SNTG1: variants seen among roughly 807,000 people sequenced by gnomAD.
SNTG1 encodes gamma-1-syntrophin.
SNTG1 carries 39 observed loss-of-function variants against 74.7 expected under a neutral mutation model. That is an observed-to-expected ratio of 0.52 (90% CI 0.40 to 0.68). The LOEUF (loss-of-function observed/expected upper bound fraction) is 0.68. Ranked by LOEUF, SNTG1 falls within the 30% of genes least tolerant of loss-of-function variation. The probability of loss-of-function intolerance (pLI) is 0.00; values close to 1 mark genes in which losing one functional copy is unlikely to be tolerated. For missense variants in SNTG1, 685 were observed against 609.5 expected (o/e 1.12, Z -1.30); for synonymous variants, 254 against 217.1 (o/e 1.17, Z -1.49).
At chr8:50,236,666 G>T (rs1430698643) in intron 2 of SNTG1, among the ~76,000 whole-genome samples, 1 of 151,980 alleles carries the variant, frequency 6.6e-6, no homozygotes, top group Non-Finnish European at 1.5e-5. Context: ...TAGCCAGGAT[G>T]GTCTCGATCT....
chr8:50,550,790 G>A (rs545337070), intron 11 of SNTG1, among the ~76,000 whole-genome samples: 1 of 152,050 alleles, frequency 6.6e-6, no homozygotes, highest in East Asian at 1.9e-4. Context: ...AAATTAATGG[G>A]TAATGGAGTC....
intron 1 of SNTG1, among the ~76,000 whole-genome samples, chr8:49,962,332 C>A (rs929110985): frequency 6.6e-6 from 1 of 151,012 alleles, no homozygotes; most frequent in African/African-American, 2.4e-5. Context: ...ATCTAGGGTG[C>A]CTTATAGCCA....
chr8:50,032,699 C>T (rs1401945764), intron 1 of SNTG1, among the ~76,000 whole-genome samples: 1 of 152,146 alleles, frequency 6.6e-6, no homozygotes, highest in Non-Finnish European at 1.5e-5. Flanking sequence ...CGACACTTTT[C>T]AGTTGTACTT....
At chr8:50,316,962 T>G (rs2090340875) in intron 2 of SNTG1, among the ~76,000 whole-genome samples, 1 of 152,132 alleles carries the variant, frequency 6.6e-6, no homozygotes, top group Admixed American at 6.5e-5. Context: ...TGAAGATGAG[T>G]TCAAGATTTC....
intron 1 of SNTG1, among the ~76,000 whole-genome samples, chr8:49,924,882 G>A (rs1806876362): frequency 6.6e-6 from 1 of 151,882 alleles, no homozygotes; most frequent in Non-Finnish European, 1.5e-5. Flanking sequence ...AGGTGTAGTG[G>A]CTAATACCTG....
At chr8:50,272,575 T>A (rs561189054) in intron 2 of SNTG1, among the ~76,000 whole-genome samples, 1 of 152,164 alleles carries the variant, frequency 6.6e-6, no homozygotes, top group Non-Finnish European at 1.5e-5. Flanking sequence ...TATAGATGGT[T>A]CTTGTTCTCT....
intron 2 of SNTG1, among the ~76,000 whole-genome samples, chr8:50,245,026 A>C (rs2129752588): frequency 6.6e-6 from 1 of 152,280 alleles, no homozygotes; most frequent in East Asian, 1.9e-4. Flanking sequence ...CTTGCAACAA[A>C]AGTTTTATTA....
At chr8:49,942,654 T>C (rs1808802652) in intron 1 of SNTG1, among the ~76,000 whole-genome samples, 1 of 152,230 alleles carries the variant, frequency 6.6e-6, no homozygotes, top group African/African-American at 2.4e-5. Context: ...CTTGAGAGTT[T>C]TGAGGCATAA....
At position 50,776,501 on chromosome 8, in the gene SNTG1, T is replaced by C. The variant is rs946547805; in HGVS notation, c.1396-16170T>C. On this transcript the variant is annotated intron_variant, in intron 18 of 18. Coordinates refer to ENST00000642720, the MANE Select transcript of SNTG1 (RefSeq NM_018967.5). ...AAATATTGTTTATATTTATAATATA[T>C]AGATATATTATGTCTTATATTTCAT... Among the ~76,000 whole-genome samples the C allele has an allele frequency of 5.4e-5, 8 of 147,698 alleles. No individual in the cohort carries two copies. In the South Asian group the frequency reaches 1.7e-3, roughly 31 times the overall value.
intron 2 of SNTG1, among the ~76,000 whole-genome samples, chr8:50,316,717 C>A (rs150958223): frequency 1.4e-4 from 22 of 152,220 alleles, no homozygotes; most frequent in African/African-American, 5.1e-4. Context: ...GATAAGTATA[C>A]AGTTGATTGC....
At chr8:49,985,768 T>C (rs987729146) in intron 1 of SNTG1, among the ~76,000 whole-genome samples, 1 of 152,182 alleles carries the variant, frequency 6.6e-6, no homozygotes, top group African/African-American at 2.4e-5. Flanking sequence ...TGATAGGTAA[T>C]ACCAAATTCA....
Position 50,551,029 on chromosome 8 carries a change from A to T in SNTG1, c.681-2021A>T, listed in dbSNP as rs180696446. The stretch of plus-strand genomic sequence containing the variant: ...TACATAGAACTTCATCCAGGTATTA[A>T]AGTATTTAGATCCACCAATTATTCA... On this transcript the variant is annotated intron_variant, in intron 11 of 18. Transcript: ENST00000642720. Among the ~76,000 whole-genome samples, 641 of 152,144 alleles carry T rather than the reference A, an allele frequency of 4.2e-3. 8 individuals are homozygous for T. The highest frequency in any genetic ancestry group is 0.014 in the African/African-American group (580 of 41,532).
At chr8:50,477,514 T>A (rs944855820) in intron 8 of SNTG1, among the ~76,000 whole-genome samples, 1 of 152,052 alleles carries the variant, frequency 6.6e-6, no homozygotes, top group Non-Finnish European at 1.5e-5. Context: ...TCTGGAGAAA[T>A]TGTCAAATCC....
At chr8:50,529,180 A>C (rs911112540) in intron 9 of SNTG1, among the ~76,000 whole-genome samples, 1 of 151,984 alleles carries the variant, frequency 6.6e-6, no homozygotes, top group African/African-American at 2.4e-5. Flanking sequence ...ATACATTAAA[A>C]TGTAGAAGAT....
chr8:50,294,018 T>C (rs867268234), intron 2 of SNTG1, among the ~76,000 whole-genome samples: 21 of 152,292 alleles, frequency 1.4e-4, no homozygotes, highest in African/African-American at 5.1e-4. Context: ...ACAATGATGA[T>C]AAATTAATTT....
chr8:50,015,839 T>C (rs1402333735), intron 1 of SNTG1, among the ~76,000 whole-genome samples: 1 of 152,106 alleles, frequency 6.6e-6, no homozygotes, highest in African/African-American at 2.4e-5. Flanking sequence ...AAAAAAATGG[T>C]TGGGCTGCTT....
intron 15 of SNTG1, among the ~76,000 whole-genome samples, chr8:50,665,322 CAGAA>C (rs1290209412): frequency 6.6e-6 from 1 of 151,852 alleles, no homozygotes; most frequent in African/African-American, 2.4e-5. Flanking sequence ...GTCATAAATA[CAGAA>C]AGAAAGAAGC....
intron 1 of SNTG1, among the ~76,000 whole-genome samples, chr8:50,127,969 G>A (rs774132960): frequency 2.2e-4 from 34 of 151,990 alleles, no homozygotes; most frequent in Non-Finnish European, 4.4e-4. Flanking sequence ...TATGTATATC[G>A]TTATCATGCA....
intron 15 of SNTG1, among the ~76,000 whole-genome samples, chr8:50,691,956 TC>T (rs1223636273): frequency 6.6e-6 from 1 of 152,156 alleles, no homozygotes; most frequent in African/African-American, 2.4e-5. Flanking sequence ...TTCTTTTTAT[TC>T]TTTTTTCTCT....
Sources: allele counts gnomAD v4.1 joint callset (sites outside exome capture counted in the v4.1 genomes callset), GRCh38; gene constraint gnomAD v4.1.1; transcripts MANE v1.5; gene names NCBI Gene and HGNC (gene_info 2026-07-23, HGNC 2026-07-21).